The following PRDM10 variants were observed in gnomAD, a reference collection of about 807,000 sequenced individuals.
PRDM10 encodes PR/SET domain 10.
A neutral mutation model predicts 133.1 loss-of-function variants in PRDM10; 65 were observed. The observed-to-expected ratio is 0.49, with a 90% confidence interval of 0.40 to 0.60. PRDM10 has a LOEUF of 0.60. Ranked by LOEUF, PRDM10 falls within the 20% of genes least tolerant of loss-of-function variation. The probability of loss-of-function intolerance (pLI) is 0.00; values close to 1 mark genes in which losing one functional copy is unlikely to be tolerated. For synonymous variants in PRDM10, 582 were observed against 580.4 expected, an observed-to-expected ratio of 1.00 and a Z score of -0.04; for missense variants, 1,137 against 1,507.1, an observed-to-expected ratio of 0.75 and a Z score of 4.07.
rs767061664 is a variant in PRDM10, at chr11:129,931,248, T to C, written c.1298A>G (p.His433Arg). The stretch of plus-strand genomic sequence containing the variant: ...ATCAAATTGCTCCTTTGTGGGAAAA[T>C]GTAGCAAGTCCTGAAATTTGCAATA... ...KSDDGTQDLL[H>R]FPTKEQFDEA... Residue 433 changes from histidine to arginine, a missense_variant, in exon 11 of 21, where the codon CAT (histidine) becomes CGT (arginine). Physicochemically the swap from His to Arg is conservative, Grantham distance 29. Transcript: ENST00000360871. 2.5e-6 allele frequency: 4 copies of C among 1,613,564 alleles called. No individual in the cohort carries two copies. In the African/African-American group the frequency reaches 4.0e-5, roughly 16 times the overall value.
chr11:129,923,307 T>C lies in PRDM10; in HGVS notation c.1975A>G (p.Met659Val). 3.1e-6 allele frequency: 5 copies of C among 1,606,552 alleles called. No homozygotes were observed. The highest frequency in any genetic ancestry group is 4.3e-6 in the Non-Finnish European group (5 of 1,176,366). Reference sequence around the variant, plus strand: ...TCTTTGCGGTCCGAATGCCGGAGCATGTGGAGTCGCAGTTTATCGGGGCGA... The same window carrying C: ...TCTTTGCGGTCCGAATGCCGGAGCACGTGGAGTCGCAGTTTATCGGGGCGA... ...FCRPDKLRLH[M>V]LRHSDRKDFL... Residue 659 changes from methionine to valine, a missense_variant, in exon 13 of 21, where the codon ATG (methionine) becomes GTG (valine). Met to Val is a conservative substitution (Grantham distance 21). Coordinates refer to ENST00000360871, the MANE Select transcript of PRDM10 (RefSeq NM_199437.2). The surrounding 1 kb of genome is among the most constrained non-coding windows in gnomAD (Gnocchi z 4.4).
At chr11:129,974,799 A>G (rs1409405849) in intron 1 of PRDM10, among the ~76,000 whole-genome samples, 2 of 152,258 alleles carry the variant, frequency 1.3e-5, no homozygotes, top group Non-Finnish European at 2.9e-5. Context: ...GAATGGGTCA[A>G]CAAACTGTGG....
At chr11:129,943,189 G>A (rs7944340) in intron 6 of PRDM10, among the ~76,000 whole-genome samples, 90,756 of 152,018 alleles carry the variant, frequency 0.6, 29,857 homozygotes, top group African/African-American at 0.89. Context: ...AGAGGGCTGG[G>A]CAGAAACAAA....
At chr11:129,922,270 A>T (rs1950542574) in intron 13 of PRDM10, among the ~76,000 whole-genome samples, 1 of 152,224 alleles carries the variant, frequency 6.6e-6, no homozygotes. Flanking sequence ...CAAAATGAAA[A>T]ATCAAAAAAC....
At chr11:129,995,878 G>A (rs1395864708) in intron 1 of PRDM10, among the ~76,000 whole-genome samples, 1 of 151,958 alleles carries the variant, frequency 6.6e-6, no homozygotes, top group Non-Finnish European at 1.5e-5. Flanking sequence ...CCCAGAAGAC[G>A]GAGGTTGCCG....
chr11:129,942,669 C>T, intron 6 of PRDM10, 40 bp from the exon 7 acceptor site: 2 of 1,514,888 alleles, frequency 1.3e-6, no homozygotes. Context: ...AAAACAAAAC[C>T]TTCAATATGA....
At chr11:129,934,869 TA>T (rs1265437552) in intron 9 of PRDM10, among the ~76,000 whole-genome samples, 3 of 152,234 alleles carry the variant, frequency 2.0e-5, no homozygotes, top group Non-Finnish European at 4.4e-5. Flanking sequence ...GAGATTTACC[TA>T]AGGTGAAAGC....
intron 1 of PRDM10, among the ~76,000 whole-genome samples, chr11:129,990,112 G>A (rs538321044): frequency 1.6e-3 from 244 of 152,204 alleles, no homozygotes; most frequent in African/African-American, 5.5e-3. Flanking sequence ...TTGGGAGGCC[G>A]AGGCAGGTGG....
intron 1 of PRDM10, among the ~76,000 whole-genome samples, chr11:129,967,693 C>G (rs1008863193): frequency 2.0e-5 from 3 of 152,118 alleles, no homozygotes; most frequent in African/African-American, 7.2e-5. Context: ...AGATGACACC[C>G]CACTTTGCAG....
At chr11:129,992,961 C>T (rs1938833127) in intron 1 of PRDM10, among the ~76,000 whole-genome samples, 1 of 152,176 alleles carries the variant, frequency 6.6e-6, no homozygotes, top group Non-Finnish European at 1.5e-5. Context: ...ACTCCAAATA[C>T]TTTTTCTAGT....
chr11:129,929,740 T>G (rs1372612707), intron 11 of PRDM10, among the ~76,000 whole-genome samples: 16 of 142,688 alleles, frequency 1.1e-4, no homozygotes, highest in Non-Finnish European at 2.4e-4. Flanking sequence ...TGGGCTTCGG[T>G]TTTTTTTTTT....
At chr11:129,970,782 G>A (rs1342157157) in intron 1 of PRDM10, among the ~76,000 whole-genome samples, 3 of 152,076 alleles carry the variant, frequency 2.0e-5, no homozygotes, top group Non-Finnish European at 2.9e-5. Context: ...CTGACGTCAG[G>A]TGATCCACCC....
At chr11:129,935,015 G>A in intron 9 of PRDM10, 86 bp downstream of exon 9, 1 of 1,171,646 alleles carries the variant, frequency 8.5e-7, no homozygotes, top group African/African-American at 1.5e-5. Flanking sequence ...ATGACACTCG[G>A]AGACACTCAT....
chr11:129,919,822 G>A (rs1157436560), intron 13 of PRDM10, among the ~76,000 whole-genome samples: 1 of 152,202 alleles, frequency 6.6e-6, no homozygotes, highest in Non-Finnish European at 1.5e-5. Context: ...GGCCTACCCA[G>A]TATCAGGGAG....
chr11:129,979,053 C>T (rs994545112), intron 1 of PRDM10, among the ~76,000 whole-genome samples: 1 of 152,108 alleles, frequency 6.6e-6, no homozygotes, highest in African/African-American at 2.4e-5. Flanking sequence ...CAAAAGGAAC[C>T]AACATTCAGT....
At chr11:129,927,237 G>GC (rs1426026046) in intron 11 of PRDM10, among the ~76,000 whole-genome samples, 4 of 134,390 alleles carry the variant, frequency 3.0e-5, no homozygotes, top group Non-Finnish European at 6.4e-5. Flanking sequence ...TCTCAAATCA[G>GC]CCACAGGGCT....
chr11:129,958,593 G>A (rs918403335), intron 2 of PRDM10, among the ~76,000 whole-genome samples: 7 of 152,146 alleles, frequency 4.6e-5, no homozygotes, highest in Non-Finnish European at 8.8e-5. Context: ...GCAGTGAGCC[G>A]AGATCGCACC....
At chr11:129,975,843 A>G (rs1369407775) in intron 1 of PRDM10, among the ~76,000 whole-genome samples, 1 of 152,238 alleles carries the variant, frequency 6.6e-6, no homozygotes, top group Non-Finnish European at 1.5e-5. Context: ...TGCCTGGCAC[A>G]TAGGAGGTGA....
Position 129,947,182 on chromosome 11 carries a change from C to T in PRDM10, c.483G>A (p.Glu161=), listed in dbSNP as rs139869628. Residue 161 remains glutamate, a synonymous_variant, in exon 5 of 21, where the codon GAG becomes GAA. Transcript: ENST00000360871. The surrounding 1 kb of genome is among the most constrained non-coding windows in gnomAD (Gnocchi z 4.6). ...DGEDTDLDDW[E]PDPPRPFDPH... The stretch of plus-strand genomic sequence containing the variant: ...GGTCGAAGGGCCGGGGCGGGTCTGG[C>T]TCCCAGTCATCCAGATCCGTGTCCT... The T allele has an allele frequency of 8.7e-5, 140 of 1,613,930 alleles. No individual in the cohort carries two copies. Among genetic ancestry groups the T allele is most frequent in the Non-Finnish European group, 1.2e-4 (136 of 1,180,008 alleles).
Sources: allele counts gnomAD v4.1 joint callset (sites outside exome capture counted in the v4.1 genomes callset), GRCh38; gene constraint gnomAD v4.1.1; non-coding constraint Gnocchi (gnomAD v3.1); transcripts MANE v1.5; gene names NCBI Gene and HGNC (gene_info 2026-07-23, HGNC 2026-07-21).